Variants in PABPC4L observed in about 807,000 individuals in gnomAD.
The protein encoded by PABPC4L is poly(A) binding protein cytoplasmic 4 like.
For missense variants in PABPC4L, 452 were observed against 451.4 expected (o/e 1.00, Z -0.01); for synonymous variants, 169 against 164.1 (o/e 1.03, Z -0.23).
chr4:134,157,443 T>C, the PABPC4L span, among the ~76,000 whole-genome samples: 2 of 151,792 alleles, frequency 1.3e-5, no homozygotes, highest in Non-Finnish European at 3.0e-5. Flanking sequence ...TATGAAACTT[T>C]TGTCCACTTG....
the PABPC4L span, among the ~76,000 whole-genome samples, chr4:134,025,827 TAA>T: frequency 6.6e-6 from 1 of 152,104 alleles, no homozygotes; most frequent in Admixed American, 6.6e-5. Context: ...TTGTCAATGA[TAA>T]GAGAAAATAT....
At chr4:134,147,521 T>C in the PABPC4L span, among the ~76,000 whole-genome samples, 1 of 152,142 alleles carries the variant, frequency 6.6e-6, no homozygotes, top group Non-Finnish European at 1.5e-5. Context: ...GGGTTTATTA[T>C]ATAGGAGATA....
chr4:134,146,117 A>C, the PABPC4L span, among the ~76,000 whole-genome samples: 1 of 151,382 alleles, frequency 6.6e-6, no homozygotes, highest in African/African-American at 2.4e-5. Flanking sequence ...TGTATATTTT[A>C]TTTACTCATG....
At chr4:133,949,179 A>T in the PABPC4L span, among the ~76,000 whole-genome samples, 1 of 152,154 alleles carries the variant, frequency 6.6e-6, no homozygotes, top group Non-Finnish European at 1.5e-5. Flanking sequence ...GACTCACCCA[A>T]CCTTGAAATT....
the PABPC4L span, among the ~76,000 whole-genome samples, chr4:133,974,371 G>A: frequency 2.4e-3 from 371 of 152,178 alleles, 1 homozygote; most frequent in African/African-American, 8.3e-3. Context: ...GATCAGAGAT[G>A]TAAATATAAG....
chr4:134,016,761 T>C, the PABPC4L span, among the ~76,000 whole-genome samples: 1 of 152,248 alleles, frequency 6.6e-6, no homozygotes, highest in East Asian at 1.9e-4. Flanking sequence ...CTCATTTCCT[T>C]TCCATCCTGG....
At chr4:133,987,189 G>A in the PABPC4L span, among the ~76,000 whole-genome samples, 2 of 152,124 alleles carry the variant, frequency 1.3e-5, no homozygotes, top group Non-Finnish European at 2.9e-5. Context: ...TGTCAATACT[G>A]CTCATATCAC....
chr4:134,150,929 T>G, the PABPC4L span, among the ~76,000 whole-genome samples: 1 of 152,138 alleles, frequency 6.6e-6, no homozygotes, highest in Admixed American at 6.5e-5. Context: ...GGTATATTAA[T>G]AAACGAAACA....
chr4:134,166,591 G>A, the PABPC4L span, among the ~76,000 whole-genome samples: 1 of 152,090 alleles, frequency 6.6e-6, no homozygotes, highest in South Asian at 2.1e-4. Context: ...AGGGTTACAG[G>A]GTCTACTTTC....
the PABPC4L span, among the ~76,000 whole-genome samples, chr4:134,086,119 T>C: frequency 6.6e-6 from 1 of 151,364 alleles, no homozygotes; most frequent in African/African-American, 2.4e-5. Context: ...CAGTAGCATT[T>C]CACTGGGGGG....
chr4:134,177,193 T>C, the PABPC4L span, among the ~76,000 whole-genome samples: 3 of 149,978 alleles, frequency 2.0e-5, no homozygotes, highest in African/African-American at 7.3e-5. Flanking sequence ...TTTCTTTTTT[T>C]TTTTTTTTTA....
chr4:134,033,998 C>G, the PABPC4L span, among the ~76,000 whole-genome samples: 1 of 151,930 alleles, frequency 6.6e-6, no homozygotes, highest in Non-Finnish European at 1.5e-5. Context: ...CCATCTAGAA[C>G]TTTCATAGCG....
the PABPC4L span, among the ~76,000 whole-genome samples, chr4:134,098,052 T>A: frequency 6.6e-6 from 1 of 151,766 alleles, no homozygotes; most frequent in Admixed American, 6.6e-5. Context: ...CTGAAAAAAA[T>A]ATAGGTATTC....
the PABPC4L span, among the ~76,000 whole-genome samples, chr4:133,974,498 G>T: frequency 1.3e-5 from 2 of 151,226 alleles, no homozygotes; most frequent in South Asian, 2.1e-4. Context: ...ACAGTGAAAA[G>T]AAAAGAAAAA....
At position 134,198,647 on chromosome 4, in the gene PABPC4L, A is replaced by T. The variant is rs1442568652; in HGVS notation, c.*1260T>A. ...GTAAAGCAATTATTTAAATGTAATT[A>T]AATAACTCTTGCCTCGATTTCCAAA... On this transcript the variant is annotated 3_prime_UTR_variant, in exon 2 of 2. Transcript: ENST00000421491. The T allele has an allele frequency of 6.6e-6, 1 of 151,982 alleles. No individual in the cohort carries two copies. Among genetic ancestry groups the T allele is most frequent in the Non-Finnish European group, 1.5e-5 (1 of 67,830 alleles). The allele number at this position is 151,982 out of a possible 1,614,324, so 9.4% of individuals were successfully genotyped here.
At chr4:134,109,289 A>G in the PABPC4L span, among the ~76,000 whole-genome samples, 1 of 151,938 alleles carries the variant, frequency 6.6e-6, no homozygotes, top group Admixed American at 6.6e-5. Flanking sequence ...GCTTTTTTCT[A>G]TTAAAACATT....
At chr4:134,043,674 AAAGAAAAAAC>A in the PABPC4L span, among the ~76,000 whole-genome samples, 29 of 146,250 alleles carry the variant, frequency 2.0e-4, no homozygotes, top group East Asian at 6.4e-3. Context: ...TACTTTTTTA[AAAGAAAAAAC>A]AAAATACATC....
At chr4:134,012,511 T>G in the PABPC4L span, among the ~76,000 whole-genome samples, 1 of 152,120 alleles carries the variant, frequency 6.6e-6, no homozygotes, top group Non-Finnish European at 1.5e-5. Context: ...CACCTCTATC[T>G]CCCTTCGCTG....
the PABPC4L span, among the ~76,000 whole-genome samples, chr4:134,109,929 C>A: frequency 6.6e-6 from 1 of 151,818 alleles, no homozygotes; most frequent in Non-Finnish European, 1.5e-5. Flanking sequence ...AATTATAGAA[C>A]AAATTCTGCA....
Sources: gnomAD v4.1 joint callset for allele counts (sites outside exome capture counted in the v4.1 genomes callset) on GRCh38, gnomAD v4.1.1 for gene constraint, MANE v1.5 for transcripts, NCBI Gene and HGNC (gene_info 2026-07-23, HGNC 2026-07-21) for gene names.